The following CNTNAP2 variants were observed in gnomAD, a reference collection of about 807,000 sequenced individuals.
CNTNAP2 encodes contactin-associated protein-like 2.
A neutral mutation model predicts 155.2 loss-of-function variants in CNTNAP2; 98 were observed. That is an observed-to-expected ratio of 0.63 (90% confidence interval 0.54 to 0.75). The LOEUF (loss-of-function observed/expected upper bound fraction) is 0.75. Among genes scored for constraint, CNTNAP2 ranks in the 30% least tolerant of loss-of-function variants. The pLI is 0.00. For synonymous variants in CNTNAP2, 651 were observed against 631.2 expected (o/e 1.03, Z -0.47); for missense variants, 1,727 against 1,688.1 (o/e 1.02, Z -0.40).
At chr7:146,597,434 A>C (rs945076764) in intron 1 of CNTNAP2, among the ~76,000 whole-genome samples, 7 of 152,088 alleles carry the variant, frequency 4.6e-5, no homozygotes, top group African/African-American at 7.2e-5. Flanking sequence ...GAGCATAACC[A>C]CAAGCATAAA....
intron 15 of CNTNAP2, among the ~76,000 whole-genome samples, chr7:148,098,079 A>ACAGC (rs2116575419): frequency 6.6e-6 from 1 of 152,250 alleles, no homozygotes; most frequent in South Asian, 2.1e-4. Flanking sequence ...TGGGAAAAAG[A>ACAGC]CAGCCCTGCA....
At chr7:147,477,562 G>A (rs1798344456) in intron 10 of CNTNAP2, among the ~76,000 whole-genome samples, 1 of 152,064 alleles carries the variant, frequency 6.6e-6, no homozygotes. Flanking sequence ...TTTTAAATAT[G>A]TAGTTATCAA....
At chr7:147,982,906 T>C (rs553698056) in intron 15 of CNTNAP2, among the ~76,000 whole-genome samples, 98 of 150,382 alleles carry the variant, frequency 6.5e-4, no homozygotes, top group African/African-American at 2.4e-3. Context: ...TAATCCCAGC[T>C]ACTCAGGAGG....
intron 21 of CNTNAP2, among the ~76,000 whole-genome samples, chr7:148,309,168 A>G (rs1797546358): frequency 6.6e-6 from 1 of 152,198 alleles, no homozygotes. Context: ...TAGATTTTCT[A>G]GAGGAATTCT....
Position 147,079,815 on chromosome 7 carries a change from G to A in CNTNAP2, c.551-28332G>A, listed in dbSNP as rs573470315. On this transcript the variant is annotated intron_variant, in intron 4 of 23. Coordinates refer to ENST00000361727, the MANE Select transcript of CNTNAP2 (RefSeq NM_014141.6). ...AATAACAATCCCATAGCTGCTGTTT[G>A]TTGAGAATCCCCACGTGTTTGTCCT... Among the ~76,000 whole-genome samples, 4 of 152,058 alleles carry A rather than the reference G, an allele frequency of 2.6e-5. No homozygotes were observed. In the South Asian group the frequency reaches 6.2e-4, roughly 24 times the overall value.
rs112537653 is a variant in CNTNAP2 at position 147,503,542 on chromosome 7, A to G, written c.1777+17501A>G. Among the ~76,000 whole-genome samples the G allele has an allele frequency of 2.6e-5, 4 of 152,158 alleles. 1 individual carries two copies. The highest frequency in any genetic ancestry group is 9.6e-5 in the African/African-American group (4 of 41,520). ...TGTGCTTTCCCAGCTCCGTTATGCC[A>G]TCCCCTAACCTGCACCCCAGATTAC... On this transcript the variant is annotated intron_variant, in intron 11 of 23. Coordinates refer to ENST00000361727, the MANE Select transcript of CNTNAP2 (RefSeq NM_014141.6).
chr7:148,097,777 C>A (rs1804004699), intron 15 of CNTNAP2, among the ~76,000 whole-genome samples: 1 of 152,142 alleles, frequency 6.6e-6, no homozygotes, highest in African/African-American at 2.4e-5. Flanking sequence ...CTGGTGGAGA[C>A]AAGGTGGTAT....
intron 9 of CNTNAP2, among the ~76,000 whole-genome samples, chr7:147,343,117 G>A (rs948800226): frequency 6.6e-6 from 1 of 152,066 alleles, no homozygotes; most frequent in Non-Finnish European, 1.5e-5. Flanking sequence ...AGGGTAAAAT[G>A]ATGCCAGCTA....
chr7:146,632,108 C>T (rs1265402806), intron 1 of CNTNAP2, among the ~76,000 whole-genome samples: 4 of 152,186 alleles, frequency 2.6e-5, no homozygotes, highest in Non-Finnish European at 4.4e-5. Context: ...TGTCACTATG[C>T]GTCTGTATGC....
intron 22 of CNTNAP2, among the ~76,000 whole-genome samples, chr7:148,392,080 G>A (rs1799363064): frequency 6.6e-6 from 1 of 151,992 alleles, no homozygotes; most frequent in South Asian, 2.1e-4. Context: ...AGTTGTTGTT[G>A]TTATTATTAT....
Position 148,281,034 on chromosome 7 carries a change from G to C in CNTNAP2, c.3475+13908G>C, listed in dbSNP as rs111683457. Among the ~76,000 whole-genome samples, 386 of 152,328 alleles carry C rather than the reference G, an allele frequency of 2.5e-3. 3 individuals are homozygous for C. Among genetic ancestry groups the C allele is most frequent in the African/African-American group, 8.9e-3 (370 of 41,582 alleles). On this transcript the variant is annotated intron_variant, in intron 21 of 23. Transcript: ENST00000361727. ...TTTAGTCAGTGTCTCCTAGGGGCTA[G>C]TGCCATCCACCCTGGGGGAGCGTGA... is the stretch of plus-strand genomic sequence containing the variant.
At chr7:147,984,600 A>G (rs1585062277) in intron 15 of CNTNAP2, among the ~76,000 whole-genome samples, 2 of 152,218 alleles carry the variant, frequency 1.3e-5, no homozygotes, top group Middle Eastern at 3.4e-3. Flanking sequence ...CTGTTTGCTA[A>G]TGAGGGGGTC....
chr7:147,394,807 T>TGGTG (rs1796782791), intron 9 of CNTNAP2, among the ~76,000 whole-genome samples: 1 of 139,286 alleles, frequency 7.2e-6, no homozygotes, highest in South Asian at 2.4e-4. Context: ...ATCAACAGTA[T>TGGTG]TGTGTGTGTG....
chr7:148,349,844 C>G (rs1380462325), intron 21 of CNTNAP2, among the ~76,000 whole-genome samples: 2 of 152,154 alleles, frequency 1.3e-5, no homozygotes, highest in South Asian at 2.1e-4. Flanking sequence ...CGGCATTTAC[C>G]TGAACAGAAG....
intron 11 of CNTNAP2, among the ~76,000 whole-genome samples, chr7:147,489,883 G>A (rs1417775248): frequency 6.6e-6 from 1 of 152,120 alleles, no homozygotes; most frequent in African/African-American, 2.4e-5. Context: ...CCAAAGTGCT[G>A]GGATTACAGG....
intron 2 of CNTNAP2, among the ~76,000 whole-genome samples, chr7:146,825,824 G>A (rs923506153): frequency 1.1e-4 from 17 of 151,954 alleles, no homozygotes; most frequent in African/African-American, 4.1e-4. Flanking sequence ...TTATATTGTT[G>A]CACAGATCAC....
chr7:146,721,060 T>TATA (rs1239694614), intron 1 of CNTNAP2, among the ~76,000 whole-genome samples: 22 of 96,852 alleles, frequency 2.3e-4, no homozygotes, highest in African/African-American at 1.4e-3. Context: ...ATACTCTATA[T>TATA]TCTATATATA....
chr7:148,253,228 G>A (rs1439494112), intron 20 of CNTNAP2, among the ~76,000 whole-genome samples: 1 of 152,070 alleles, frequency 6.6e-6, no homozygotes, highest in African/African-American at 2.4e-5. Flanking sequence ...GGACCAGCAT[G>A]GCTGGTGTCG....
intron 1 of CNTNAP2, among the ~76,000 whole-genome samples, chr7:146,441,583 C>T (rs1167988901): frequency 2.0e-5 from 3 of 151,462 alleles, no homozygotes; most frequent in African/African-American, 7.4e-5. Flanking sequence ...TTGGCCTAAA[C>T]CTGGCATGCA....
Sources: allele counts gnomAD v4.1 joint callset (sites outside exome capture counted in the v4.1 genomes callset), GRCh38; gene constraint gnomAD v4.1.1; transcripts MANE v1.5; gene names NCBI Gene and HGNC (gene_info 2026-07-23, HGNC 2026-07-21).